Variants in LRP1B observed in about 807,000 individuals in gnomAD.
The protein encoded by LRP1B is LDL receptor related protein 1B.
A neutral mutation model predicts 556.6 loss-of-function variants in LRP1B; 217 were observed. The ratio of observed to expected loss-of-function variants is 0.39; its 90% confidence interval spans 0.35 to 0.44. The LOEUF (loss-of-function observed/expected upper bound fraction) is 0.44, where lower values mean the gene tolerates loss of function less well. Ranked by LOEUF, LRP1B falls within the 20% of genes least tolerant of loss-of-function variation. The pLI, the probability that LRP1B is intolerant of heterozygous loss-of-function variation, is 1.00. For missense variants in LRP1B, 5,053 were observed against 5,620.8 expected (o/e 0.90, Z 3.23); for synonymous variants, 2,047 against 1,865.8 (o/e 1.10, Z -2.50).
At chr2:140,890,113 AC>A (rs998853855) in intron 23 of LRP1B, among the ~76,000 whole-genome samples, 3 of 120,156 alleles carry the variant, frequency 2.5e-5, no homozygotes, top group Non-Finnish European at 3.8e-5. Flanking sequence ...AAAAAAAAAA[AC>A]CCTAGTTCCA....
chr2:140,513,698 C>T (rs1465570383), intron 51 of LRP1B, among the ~76,000 whole-genome samples: 1 of 151,814 alleles, frequency 6.6e-6, no homozygotes, highest in Non-Finnish European at 1.5e-5. Context: ...AAAATACCGC[C>T]TTTCTCTATA....
intron 68 of LRP1B, among the ~76,000 whole-genome samples, chr2:140,375,733 GT>G (rs1360571314): frequency 1.3e-5 from 2 of 151,780 alleles, no homozygotes; most frequent in Non-Finnish European, 2.9e-5. Context: ...AGATTTCTTT[GT>G]TTTTTTGTTC....
rs187115119 is a variant in LRP1B at position 140,238,879 on chromosome 2, A to G, written c.13415+563T>C. Among the ~76,000 whole-genome samples the G allele has an allele frequency of 6.6e-5, 10 of 150,886 alleles. No homozygotes were observed. In the East Asian group the frequency reaches 1.6e-3, roughly 24 times the overall value. ...TCCAATAGTTATCACCCTACACTCT[A>G]TGTCAGTAATAATGGACATTATTTC... On this transcript the variant is annotated intron_variant, in intron 88 of 90. Transcript: ENST00000389484.
chr2:141,634,914 G>C (rs574999967), intron 2 of LRP1B, among the ~76,000 whole-genome samples: 2 of 151,980 alleles, frequency 1.3e-5, no homozygotes, highest in South Asian at 4.1e-4. Context: ...TATTATTAGA[G>C]TGGTGGTTAT....
chr2:141,619,612 TA>T (rs1159360699), intron 2 of LRP1B, among the ~76,000 whole-genome samples: 1 of 152,194 alleles, frequency 6.6e-6, no homozygotes, highest in Non-Finnish European at 1.5e-5. Flanking sequence ...AACCACATAT[TA>T]AAAATGAGTT....
intron 1 of LRP1B, among the ~76,000 whole-genome samples, chr2:141,854,966 A>G (rs188192579): frequency 3.3e-5 from 5 of 152,236 alleles, no homozygotes; most frequent in African/African-American, 4.8e-5. Flanking sequence ...CTAAATTTAT[A>G]TAAGCATGAA....
At chr2:141,787,609 A>G (rs1221291047) in intron 2 of LRP1B, among the ~76,000 whole-genome samples, 4 of 151,948 alleles carry the variant, frequency 2.6e-5, no homozygotes, top group African/African-American at 9.7e-5. Flanking sequence ...ACAAATAGAA[A>G]AAAAAACAAC....
intron 1 of LRP1B, among the ~76,000 whole-genome samples, chr2:141,819,042 C>G (rs1427703379): frequency 6.6e-6 from 1 of 151,270 alleles, no homozygotes; most frequent in Non-Finnish European, 1.5e-5. Flanking sequence ...AGTTCGAGAC[C>G]AGCCTGACCA....
chr2:141,045,450 TA>T (rs61599256), intron 11 of LRP1B, among the ~76,000 whole-genome samples: 124,561 of 150,554 alleles, frequency 0.83, 51,960 homozygotes, highest in East Asian at 0.93. Flanking sequence ...ATTAATTAAT[TA>T]AAAAAAAAAG....
chr2:140,300,855 A>G (rs1683789937), intron 83 of LRP1B, among the ~76,000 whole-genome samples: 2 of 152,264 alleles, frequency 1.3e-5, no homozygotes, highest in South Asian at 4.1e-4. Flanking sequence ...AGTCACATAG[A>G]AAGCACAGAG....
chr2:140,761,579 A>G lies in LRP1B; in HGVS notation c.5758+7634T>C, dbSNP rs288106. On this transcript the variant is annotated intron_variant, in intron 35 of 90. Transcript: ENST00000389484. ...CTAGCTCTAAGAGAAGCTTGTGGTCATGCTGTGAACTGCCCTGTAGAAAGG... is the reference window on the plus strand; with the variant it reads ...CTAGCTCTAAGAGAAGCTTGTGGTCGTGCTGTGAACTGCCCTGTAGAAAGG... 3.3e-3 allele frequency among the ~76,000 whole-genome samples: 501 copies of G among 152,302 alleles called. 3 individuals are homozygous for G. The highest frequency in any genetic ancestry group is 0.012 in the African/African-American group (483 of 41,572).
intron 1 of LRP1B, among the ~76,000 whole-genome samples, chr2:141,872,703 G>GA (rs1698627851): frequency 1.3e-5 from 2 of 150,504 alleles, no homozygotes; most frequent in Admixed American, 6.6e-5. Flanking sequence ...TAAAAATAAA[G>GA]AAAAAAAATC....
chr2:140,497,410 C>G (rs188929040), intron 55 of LRP1B, among the ~76,000 whole-genome samples: 3 of 150,950 alleles, frequency 2.0e-5, no homozygotes, highest in Admixed American at 6.6e-5. Context: ...TAACTATGGC[C>G]AAAGAAAATG....
chr2:142,130,946 G>A lies in LRP1B; in HGVS notation c.-217C>T. On this transcript the variant is annotated 5_prime_UTR_variant, in exon 1 of 91. Coordinates refer to ENST00000389484, the MANE Select transcript of LRP1B (RefSeq NM_018557.3). ...TGGAGGGATGCGCGCGTGCGGGAGAGAGGAGGCAGAGCGTGTGTGAGCGCG... is the reference window on the plus strand; with the variant it reads ...TGGAGGGATGCGCGCGTGCGGGAGAAAGGAGGCAGAGCGTGTGTGAGCGCG... 1.7e-6 allele frequency: 1 copy of A among 599,114 alleles called. No homozygotes were observed. The highest frequency in any genetic ancestry group is 3.0e-6 in the Non-Finnish European group (1 of 333,458). The allele number at this position is 599,114 out of a possible 1,614,324, so 37.1% of individuals were successfully genotyped here.
chr2:141,336,834 G>T (rs1361119295), intron 3 of LRP1B, among the ~76,000 whole-genome samples: 1 of 152,086 alleles, frequency 6.6e-6, no homozygotes, highest in Non-Finnish European at 1.5e-5. Context: ...TGACCTTTAT[G>T]ATACAGCATG....
At chr2:140,819,224 C>CT (rs34196521) in intron 31 of LRP1B, among the ~76,000 whole-genome samples, 39,410 of 152,032 alleles carry the variant, frequency 0.26, 5,483 homozygotes, top group South Asian at 0.34. Flanking sequence ...CCCTTTCAAG[C>CT]TAAGGCTCTA....
chr2:140,250,510 A>G (rs1681365102), intron 86 of LRP1B, among the ~76,000 whole-genome samples: 1 of 149,212 alleles, frequency 6.7e-6, no homozygotes, highest in African/African-American at 2.4e-5. Context: ...TTGATTTAAC[A>G]TTCTTTGACT....
At chr2:141,998,016 G>A (rs756962042) in intron 1 of LRP1B, among the ~76,000 whole-genome samples, 2 of 151,882 alleles carry the variant, frequency 1.3e-5, no homozygotes, top group Non-Finnish European at 2.9e-5. Flanking sequence ...CTACTGTTAC[G>A]TATTAAAGTA....
intron 7 of LRP1B, among the ~76,000 whole-genome samples, chr2:141,088,720 A>C (rs1276080654): frequency 6.6e-6 from 1 of 152,174 alleles, no homozygotes; most frequent in Non-Finnish European, 1.5e-5. Context: ...AATCGAAACC[A>C]TGGTTTCTGA....
Sources: gnomAD v4.1 joint callset for allele counts (sites outside exome capture counted in the v4.1 genomes callset) on GRCh38, gnomAD v4.1.1 for gene constraint, MANE v1.5 for transcripts, NCBI Gene and HGNC (gene_info 2026-07-23, HGNC 2026-07-21) for gene names.